The following KCNG3 variants were observed in gnomAD, a reference collection of about 807,000 sequenced individuals.
The protein encoded by KCNG3 is voltage-gated potassium channel regulatory subunit KCNG3.
In KCNG3, 15 loss-of-function variants were observed where a neutral mutation model predicts 29.0. That is an observed-to-expected ratio of 0.52 (90% CI 0.35 to 0.80). The LOEUF (loss-of-function observed/expected upper bound fraction) is 0.80, where lower values mean the gene tolerates loss of function less well. Ranked by LOEUF, KCNG3 falls within the 30% of genes least tolerant of loss-of-function variation. The probability of loss-of-function intolerance (pLI) is 0.01; values close to 1 mark genes in which losing one functional copy is unlikely to be tolerated. For missense variants in KCNG3, 512 were observed against 605.7 expected, an observed-to-expected ratio of 0.85 and a Z score of 1.62; for synonymous variants, 322 against 248.9, an observed-to-expected ratio of 1.29 and a Z score of -2.76.
intron 1 of KCNG3, among the ~76,000 whole-genome samples, chr2:42,464,759 T>G (rs1379177928): frequency 6.6e-6 from 1 of 152,118 alleles, no homozygotes; most frequent in African/African-American, 2.4e-5. Flanking sequence ...ATCCTTATCT[T>G]AGGTCCACTA....
chr2:42,439,650 A>T (rs1010044857), downstream of KCNG3, among the ~76,000 whole-genome samples: 1 of 98,756 alleles, frequency 1.0e-5, no homozygotes, highest in Non-Finnish European at 2.4e-5. Context: ...AAATAAAAAA[A>T]AATTTTTTTT....
the KCNG3 span, among the ~76,000 whole-genome samples, chr2:42,394,500 CT>C: frequency 6.6e-6 from 1 of 152,186 alleles, no homozygotes; most frequent in South Asian, 2.1e-4. Context: ...ACATCTTCCT[CT>C]TTTTTTCTGT....
chr2:42,476,170 T>G (rs1673419884), intron 1 of KCNG3, among the ~76,000 whole-genome samples: 1 of 152,070 alleles, frequency 6.6e-6, no homozygotes, highest in African/African-American at 2.4e-5. Context: ...TCTCTTTATC[T>G]GTTACAAATT....
chr2:42,408,614 G>GC, the KCNG3 span, among the ~76,000 whole-genome samples: 22 of 152,252 alleles, frequency 1.4e-4, no homozygotes, highest in South Asian at 4.6e-3. Flanking sequence ...GAAAGGAGCT[G>GC]CCCCCTGTGG....
At chr2:42,472,581 CCT>C (rs1348743973) in intron 1 of KCNG3, among the ~76,000 whole-genome samples, 21 of 150,022 alleles carry the variant, frequency 1.4e-4, no homozygotes, top group African/African-American at 4.2e-4. Context: ...CTCACTGCAA[CCT>C]CTCTCTCCTG....
chr2:42,474,392 G>C (rs1572858401), intron 1 of KCNG3, among the ~76,000 whole-genome samples: 1 of 151,802 alleles, frequency 6.6e-6, no homozygotes, highest in Non-Finnish European at 1.5e-5. Flanking sequence ...GCTGGGCATG[G>C]TGACGCATGC....
chr2:42,425,427 G>A, the KCNG3 span, among the ~76,000 whole-genome samples: 1 of 150,142 alleles, frequency 6.7e-6, no homozygotes. Flanking sequence ...AATCAAATCA[G>A]GAATTATTTC....
At chr2:42,484,455 C>T (rs1673670919) in intron 1 of KCNG3, among the ~76,000 whole-genome samples, 3 of 151,886 alleles carry the variant, frequency 2.0e-5, no homozygotes, top group African/African-American at 4.8e-5. Flanking sequence ...AGCGAGACTC[C>T]GTCTGAAGAA....
At chr2:42,456,432 G>C (rs973203853) in intron 1 of KCNG3, among the ~76,000 whole-genome samples, 2 of 152,124 alleles carry the variant, frequency 1.3e-5, no homozygotes, top group African/African-American at 4.8e-5. Flanking sequence ...AGGAGGCTGA[G>C]GAGGAGCACC....
Position 42,443,866 on chromosome 2 carries a change from AAC to A in KCNG3, c.*66_*67del. The A allele has an allele frequency of 6.9e-7, 1 of 1,449,812 alleles. No individual in the cohort carries two copies. Among genetic ancestry groups the A allele is most frequent in the Non-Finnish European group, 9.4e-7 (1 of 1,066,128 alleles). The allele number at this position is 1,449,812 out of a possible 1,614,324, so 89.8% of individuals were successfully genotyped here. On this transcript the variant is annotated 3_prime_UTR_variant, in exon 2 of 2. Coordinates refer to ENST00000306078, the MANE Select transcript of KCNG3 (RefSeq NM_133329.6). Reference sequence around the variant, plus strand: ...CCACTGCAGTGCTCACCCAGCAAGAAACACATAAATATGAAGCAGCATCAAAG... The same window carrying A: ...CCACTGCAGTGCTCACCCAGCAAGAAACATAAATATGAAGCAGCATCAAAG...
At chr2:42,457,933 G>A (rs1308128938) in intron 1 of KCNG3, among the ~76,000 whole-genome samples, 3 of 152,100 alleles carry the variant, frequency 2.0e-5, no homozygotes, top group African/African-American at 4.8e-5. Context: ...ACTAGCCTGA[G>A]CAATATAGTG....
chr2:42,417,125 C>A, the KCNG3 span, among the ~76,000 whole-genome samples: 2 of 152,028 alleles, frequency 1.3e-5, no homozygotes, highest in Admixed American at 6.6e-5. Flanking sequence ...TGCCTGTAAT[C>A]CCAGCTGCCT....
At chr2:42,400,314 G>T in the KCNG3 span, among the ~76,000 whole-genome samples, 1 of 152,168 alleles carries the variant, frequency 6.6e-6, no homozygotes, top group Non-Finnish European at 1.5e-5. Context: ...CCTAGGAAGA[G>T]AATTTCCTAA....
chr2:42,486,737 G>C (rs574462963), intron 1 of KCNG3, among the ~76,000 whole-genome samples: 1 of 152,300 alleles, frequency 6.6e-6, no homozygotes, highest in East Asian at 1.9e-4. Flanking sequence ...TGTGCTGTCT[G>C]CTTCTATCAC....
chr2:42,403,744 C>T, the KCNG3 span, among the ~76,000 whole-genome samples: 2 of 151,180 alleles, frequency 1.3e-5, no homozygotes, highest in East Asian at 1.9e-4. Flanking sequence ...AGATTACAGG[C>T]GAGAGCCACC....
chr2:42,421,371 T>C, the KCNG3 span, among the ~76,000 whole-genome samples: 42 of 152,312 alleles, frequency 2.8e-4, no homozygotes, highest in African/African-American at 4.6e-4. Flanking sequence ...TAATCTATTA[T>C]AGGGTTCAGT....
the KCNG3 span, among the ~76,000 whole-genome samples, chr2:42,421,897 G>A: frequency 2.0e-5 from 3 of 152,052 alleles, no homozygotes; most frequent in East Asian, 1.9e-4. Flanking sequence ...TCCAATATGC[G>A]TTTTTTTAAT....
intron 1 of KCNG3, among the ~76,000 whole-genome samples, chr2:42,459,773 G>A (rs941022086): frequency 1.8e-4 from 27 of 152,192 alleles, no homozygotes; most frequent in African/African-American, 5.5e-4. Flanking sequence ...TCAGGAGATC[G>A]AGACCATGCT....
At chr2:42,472,736 G>C (rs934433447) in intron 1 of KCNG3, among the ~76,000 whole-genome samples, 2 of 151,428 alleles carry the variant, frequency 1.3e-5, no homozygotes, top group African/African-American at 2.4e-5. Flanking sequence ...TTGGCCTCAG[G>C]TGATATACCC....
Sources: allele counts gnomAD v4.1 joint callset (sites outside exome capture counted in the v4.1 genomes callset), GRCh38; gene constraint gnomAD v4.1.1; transcripts MANE v1.5; gene names NCBI Gene and HGNC (gene_info 2026-07-23, HGNC 2026-07-21).